TNNI3K: variants seen among roughly 807,000 people sequenced by gnomAD.
TNNI3K encodes the protein TNNI3 interacting kinase, also known as serine/threonine-protein kinase TNNI3K.
Under a neutral mutation model 114.5 loss-of-function variants are expected in TNNI3K, and 140 were observed. That is an observed-to-expected ratio of 1.22 (90% CI 1.07 to 1.41). The LOEUF (loss-of-function observed/expected upper bound fraction) is 1.41, where lower values mean the gene tolerates loss of function less well. Ranked by LOEUF, TNNI3K falls within the 40% of genes most tolerant of loss-of-function variation. The pLI, the probability that TNNI3K is intolerant of heterozygous loss-of-function variation, is 0.00. For missense variants in TNNI3K, 1,125 were observed against 1,007.6 expected (o/e 1.12, Z -1.58); for synonymous variants, 347 against 347.5 (o/e 1.00, Z 0.02).
intron 20 of TNNI3K, among the ~76,000 whole-genome samples, chr1:74,441,422 A>G (rs1198694504): frequency 6.6e-6 from 1 of 152,190 alleles, no homozygotes; most frequent in East Asian, 1.9e-4. Context: ...TTATGCATAC[A>G]GAAGTTCATG....
At chr1:74,307,796 C>G (rs1009892324) in intron 5 of TNNI3K, among the ~76,000 whole-genome samples, 6 of 152,006 alleles carry the variant, frequency 3.9e-5, no homozygotes, top group African/African-American at 1.4e-4. Context: ...AACCCAGTCT[C>G]TACTAAAAAT....
chr1:74,283,797 A>C (rs766471086), intron 5 of TNNI3K, among the ~76,000 whole-genome samples: 4 of 152,196 alleles, frequency 2.6e-5, no homozygotes, highest in Non-Finnish European at 5.9e-5. Context: ...ACATTTTTAT[A>C]TATACATAGA....
chr1:74,381,331 G>A (rs563750093), intron 17 of TNNI3K, among the ~76,000 whole-genome samples: 4 of 152,168 alleles, frequency 2.6e-5, no homozygotes, highest in East Asian at 1.9e-4. Flanking sequence ...TTTCCAAGAC[G>A]GTTATATTTA....
chr1:74,422,807 A>T (rs779510765), intron 17 of TNNI3K, among the ~76,000 whole-genome samples: 1 of 152,166 alleles, frequency 6.6e-6, no homozygotes. Flanking sequence ...GTTCTTCAGC[A>T]GGGATAAAGC....
intron 23 of TNNI3K, among the ~76,000 whole-genome samples, chr1:74,510,685 C>G (rs150257055): frequency 2.0e-5 from 3 of 152,236 alleles, no homozygotes; most frequent in East Asian, 3.9e-4. Context: ...TTGGGAAAGA[C>G]ATATATAGGA....
chr1:74,341,562 G>GT (rs761260220), intron 7 of TNNI3K: 3,222 of 132,038 alleles, frequency 0.024, 35 homozygotes, highest in Middle Eastern at 0.038. Context: ...TTTTGTTTCT[G>GT]TTTTTTTTTT....
intron 23 of TNNI3K, among the ~76,000 whole-genome samples, chr1:74,520,109 A>T (rs1394209651): frequency 1.3e-5 from 2 of 152,166 alleles, no homozygotes; most frequent in Non-Finnish European, 2.9e-5. Context: ...TCACCTGAGC[A>T]GTATATGCTG....
intron 16 of TNNI3K, 29 bp downstream of exon 16, chr1:74,369,614 T>C: frequency 6.5e-7 from 1 of 1,547,632 alleles, no homozygotes; most frequent in Non-Finnish European, 8.7e-7. Context: ...GATTTATCCT[T>C]GGACATTCCG....
intron 23 of TNNI3K, among the ~76,000 whole-genome samples, chr1:74,502,302 A>G (rs2100345633): frequency 6.6e-6 from 1 of 152,232 alleles, no homozygotes; most frequent in East Asian, 1.9e-4. Context: ...GGTGCCAAAC[A>G]CCTATTTGTG....
chr1:74,303,287 G>A (rs908248125), intron 5 of TNNI3K, among the ~76,000 whole-genome samples: 1 of 152,010 alleles, frequency 6.6e-6, no homozygotes, highest in Non-Finnish European at 1.5e-5. Flanking sequence ...TCCACCCCCA[G>A]GTTCAAGTGA....
chr1:74,430,952 G>A (rs1395961069), intron 17 of TNNI3K, among the ~76,000 whole-genome samples: 2 of 152,154 alleles, frequency 1.3e-5, no homozygotes, highest in Non-Finnish European at 1.5e-5. Context: ...TGAGTTTTGA[G>A]TCAGAAAGTC....
intron 5 of TNNI3K, among the ~76,000 whole-genome samples, chr1:74,319,609 C>T (rs1479720673): frequency 6.6e-6 from 1 of 152,174 alleles, no homozygotes; most frequent in Non-Finnish European, 1.5e-5. Context: ...GCCTCATCTT[C>T]ATCTAGGAGC....
chr1:74,472,349 AC>A lies in TNNI3K; in HGVS notation c.2121+8800del, dbSNP rs1409610235. 1.2e-5 allele frequency: 7 copies of A among 591,474 alleles called. No individual in the cohort carries two copies. In the Admixed American group the frequency reaches 1.5e-4, roughly 13 times the overall value. 36.6% of individuals were successfully genotyped at this position (591,474 alleles called of 1,614,324 possible). On this transcript the variant is annotated intron_variant, in intron 21 of 24. Coordinates refer to ENST00000326637, the MANE Select transcript of TNNI3K (RefSeq NM_015978.3). ...TATTTCCTAATTTGTAACCAAACCTACAAAGGACATTTGTCAGTCCCATATG... is the reference window on the plus strand; with the variant it reads ...TATTTCCTAATTTGTAACCAAACCTAAAAGGACATTTGTCAGTCCCATATG...
chr1:74,464,714 G>T, intron 21 of TNNI3K: 4 of 1,588,554 alleles, frequency 2.5e-6, no homozygotes, highest in Non-Finnish European at 2.6e-6. Flanking sequence ...GATCGTTTTG[G>T]GATGTGGATT....
At chr1:74,262,180 T>TGGACTAAA in intron 4 of TNNI3K, among the ~76,000 whole-genome samples, 1 of 152,216 alleles carries the variant, frequency 6.6e-6, no homozygotes, top group South Asian at 2.1e-4. Flanking sequence ...TAGACCAAGG[T>TGGACTAAA]TCAACAGCCT....
intron 21 of TNNI3K, among the ~76,000 whole-genome samples, chr1:74,477,871 A>G (rs1668284829): frequency 6.6e-6 from 1 of 152,236 alleles, no homozygotes; most frequent in African/African-American, 2.4e-5. Flanking sequence ...TGTGTTGGCA[A>G]GAGAAAAAGG....
At chr1:74,343,030 A>C (rs4650254) in intron 8 of TNNI3K, 44 bp downstream of exon 8, 2 of 1,613,452 alleles carry the variant, frequency 1.2e-6, no homozygotes, top group Admixed American at 1.7e-5. Context: ...GGTATACTGC[A>C]TGTACTTGCT....
At chr1:74,369,794 A>C (rs1662499001) in intron 16 of TNNI3K, 4 of 541,818 alleles carry the variant, frequency 7.4e-6, no homozygotes, top group Non-Finnish European at 8.3e-6. Flanking sequence ...GCAGAAATTC[A>C]GTTGAAGATA....
At chr1:74,448,485 A>G (rs1433920162) in intron 20 of TNNI3K, among the ~76,000 whole-genome samples, 2 of 145,414 alleles carry the variant, frequency 1.4e-5, no homozygotes, top group African/African-American at 5.4e-5. Flanking sequence ...CCTGGCCAGA[A>G]CTTCCAACAC....
Sources: allele counts gnomAD v4.1 joint callset (sites outside exome capture counted in the v4.1 genomes callset), GRCh38; gene constraint gnomAD v4.1.1; transcripts MANE v1.5; gene names NCBI Gene and HGNC (gene_info 2026-07-23, HGNC 2026-07-21).